The following AGO3 variants were observed in gnomAD, a reference collection of about 807,000 sequenced individuals.
AGO3 encodes protein argonaute-3.
AGO3 carries 16 observed loss-of-function variants against 105.5 expected under a neutral mutation model. The ratio of observed to expected loss-of-function variants is 0.15; its 90% CI spans 0.10 to 0.23. The LOEUF (loss-of-function observed/expected upper bound fraction) is 0.23. Ranked by LOEUF, AGO3 falls within the 10% of genes least tolerant of loss-of-function variation. The probability of loss-of-function intolerance (pLI) is 1.00; values close to 1 mark genes in which losing one functional copy is unlikely to be tolerated. For missense variants in AGO3, 534 were observed against 1,088.0 expected (o/e 0.49, Z 7.16); for synonymous variants, 340 against 367.3 (o/e 0.93, Z 0.85).
chr1:35,970,564 G>C (rs1376923698), intron 3 of AGO3, among the ~76,000 whole-genome samples: 2 of 151,914 alleles, frequency 1.3e-5, no homozygotes, highest in Non-Finnish European at 2.9e-5. Flanking sequence ...TCTACCCCTA[G>C]AATTAAGACT....
At chr1:35,959,107 C>T (rs1227111752) in intron 2 of AGO3, among the ~76,000 whole-genome samples, 1 of 152,154 alleles carries the variant, frequency 6.6e-6, no homozygotes, top group Non-Finnish European at 1.5e-5. Flanking sequence ...AAATAATTTG[C>T]TCTCCTCTTT....
At chr1:35,935,569 G>T (rs1027491171) in intron 1 of AGO3, among the ~76,000 whole-genome samples, 4 of 152,212 alleles carry the variant, frequency 2.6e-5, no homozygotes, top group South Asian at 4.1e-4. Flanking sequence ...TGGGAACATT[G>T]CGTTTTTTAG....
chr1:36,030,179 TATG>T (rs1471604412), intron 12 of AGO3, among the ~76,000 whole-genome samples: 1 of 152,064 alleles, frequency 6.6e-6, no homozygotes, highest in Non-Finnish European at 1.5e-5. Flanking sequence ...CAAGTAAATA[TATG>T]ATAAGTTTGT....
intron 17 of AGO3, among the ~76,000 whole-genome samples, chr1:36,046,666 C>T (rs927096966): frequency 1.8e-5 from 2 of 113,804 alleles, no homozygotes; most frequent in Admixed American, 1.1e-4. Context: ...GAGGTCATAC[C>T]TCTCCAGTGC....
chr1:36,004,293 A>G, intron 5 of AGO3, 48 bp from the exon 6 acceptor site: 1 of 1,563,358 alleles, frequency 6.4e-7, no homozygotes, highest in South Asian at 1.2e-5. Flanking sequence ...AAGTTTCTGA[A>G]TTTTTTAGGG....
chr1:36,047,213 G>A lies in AGO3; in HGVS notation c.2274+3665G>A, dbSNP rs957408844. 8.6e-5 allele frequency among the ~76,000 whole-genome samples: 13 copies of A among 151,794 alleles called. No homozygotes were observed. In the Middle Eastern group the frequency reaches 0.014, roughly 159 times the overall value. ...AGCCGAGATCACGCCACTGCACTCC[G>A]GCCTGGGCAACAAGAGCGAAACTCT... On this transcript the variant is annotated intron_variant, in intron 17 of 18. Coordinates refer to ENST00000373191, the MANE Select transcript of AGO3 (RefSeq NM_024852.4).
chr1:35,951,997 T>C (rs1389412331), intron 2 of AGO3, among the ~76,000 whole-genome samples: 1 of 152,062 alleles, frequency 6.6e-6, no homozygotes, highest in African/African-American at 2.4e-5. Flanking sequence ...CATTTCATCC[T>C]CTCAAAAAGA....
chr1:35,961,944 G>A (rs1475007534), intron 2 of AGO3, among the ~76,000 whole-genome samples: 3 of 152,136 alleles, frequency 2.0e-5, no homozygotes, highest in African/African-American at 7.2e-5. Context: ...GACGTTAAGT[G>A]TTTAGGTATT....
rs1182500299 is a variant in AGO3 at position 36,058,751 on chromosome 1, A to G, written c.*3006A>G. The G allele has an allele frequency of 2.6e-5, 4 of 152,198 alleles. No homozygotes were observed. Among genetic ancestry groups the G allele is most frequent in the African/African-American group, 9.6e-5 (4 of 41,456 alleles). 9.4% of individuals were successfully genotyped at this position (152,198 alleles called of 1,614,324 possible). On this transcript the variant is annotated 3_prime_UTR_variant, in exon 19 of 19. Transcript: ENST00000373191. ...ACAACACTGTTGCAAAGAACTTTAC[A>G]AAAGGTAATATTTGTATCGTATATA...
chr1:35,993,742 T>TC (rs1647930493), intron 5 of AGO3, among the ~76,000 whole-genome samples: 1 of 131,096 alleles, frequency 7.6e-6, no homozygotes, highest in African/African-American at 2.9e-5. Context: ...CCCCTGCTTT[T>TC]TTTTTTTTTT....
At chr1:35,980,049 G>A (rs1647024436) in intron 5 of AGO3, among the ~76,000 whole-genome samples, 1 of 151,970 alleles carries the variant, frequency 6.6e-6, no homozygotes, top group Non-Finnish European at 1.5e-5. Context: ...CTTTTTAAAT[G>A]GTAGTCCTCA....
At chr1:35,988,277 A>G (rs965725726) in intron 5 of AGO3, among the ~76,000 whole-genome samples, 2 of 152,306 alleles carry the variant, frequency 1.3e-5, no homozygotes, top group East Asian at 3.9e-4. Context: ...GAATATAACA[A>G]TCACCTCATA....
At chr1:35,960,207 A>G (rs985729663) in intron 2 of AGO3, among the ~76,000 whole-genome samples, 8 of 152,284 alleles carry the variant, frequency 5.3e-5, no homozygotes, top group African/African-American at 1.9e-4. Context: ...TGTTCTAAAG[A>G]GTGTTTTTTC....
rs945844560 is a variant in AGO3 at position 36,027,698 on chromosome 1, G to A, written c.1591+400G>A. 6.6e-6 allele frequency among the ~76,000 whole-genome samples: 1 copy of A among 151,300 alleles called. No homozygotes were observed. The highest frequency in any genetic ancestry group is 1.5e-5 in the Non-Finnish European group (1 of 67,960). On this transcript the variant is annotated intron_variant, in intron 12 of 18. Coordinates refer to ENST00000373191, the MANE Select transcript of AGO3 (RefSeq NM_024852.4). This position sits in a 1 kb window ranked among gnomAD's most constrained non-coding sequence, Gnocchi z 4.0. ...GGAGGCTGAGGCAGGAGAATGGCGT[G>A]AACCCAGGAGGTGGAGCTTGCAGTG...
intron 17 of AGO3, 149 bp downstream of exon 17, chr1:36,043,697 G>A: frequency 2.9e-6 from 2 of 687,486 alleles, no homozygotes; most frequent in Non-Finnish European, 4.8e-6. Flanking sequence ...GTAAACAAAT[G>A]TCTTCCCTTT....
At chr1:35,965,773 A>G (rs1381440417) in intron 2 of AGO3, among the ~76,000 whole-genome samples, 2 of 151,480 alleles carry the variant, frequency 1.3e-5, no homozygotes, top group East Asian at 3.9e-4. Flanking sequence ...TGTTCCAGAA[A>G]ATGCTGGGTT....
intron 5 of AGO3, among the ~76,000 whole-genome samples, chr1:35,990,739 TTTA>T (rs1647562259): frequency 6.6e-6 from 1 of 152,174 alleles, no homozygotes; most frequent in African/African-American, 2.4e-5. Flanking sequence ...TAGTAAATAA[TTTA>T]TTAATCACAG....
intron 2 of AGO3, among the ~76,000 whole-genome samples, chr1:35,946,852 G>A (rs777860751): frequency 7.2e-5 from 11 of 152,126 alleles, no homozygotes; most frequent in South Asian, 2.1e-4. Context: ...AGGAAGACTC[G>A]TAGAGTGTTA....
chr1:36,012,601 CA>C (rs1018866257), intron 9 of AGO3, among the ~76,000 whole-genome samples: 2 of 151,716 alleles, frequency 1.3e-5, no homozygotes, highest in African/African-American at 4.8e-5. Flanking sequence ...AATTATAAAT[CA>C]AATAATTTTT....
Sources: allele counts gnomAD v4.1 joint callset (sites outside exome capture counted in the v4.1 genomes callset), GRCh38; gene constraint gnomAD v4.1.1; non-coding constraint Gnocchi (gnomAD v3.1); transcripts MANE v1.5; gene names NCBI Gene and HGNC (gene_info 2026-07-23, HGNC 2026-07-21).